Variants in SLC44A3 observed in about 807,000 individuals in gnomAD.
SLC44A3 encodes the protein solute carrier family 44 member 3, also known as choline transporter-like protein 3.
A neutral mutation model predicts 75.4 loss-of-function variants in SLC44A3; 74 were observed. That is an observed-to-expected ratio of 0.98 (90% CI 0.81 to 1.19). The LOEUF (loss-of-function observed/expected upper bound fraction) is 1.19, where lower values mean the gene tolerates loss of function less well. SLC44A3 is among the 50% of genes most tolerant of loss of function. The probability of loss-of-function intolerance (pLI) is 0.00; values close to 1 mark genes in which losing one functional copy is unlikely to be tolerated. For missense variants in SLC44A3, 700 were observed against 778.6 expected, an observed-to-expected ratio of 0.90 and a Z score of 1.20; for synonymous variants, 310 against 296.9, an observed-to-expected ratio of 1.04 and a Z score of -0.45.
intron 2 of SLC44A3, among the ~76,000 whole-genome samples, chr1:94,821,823 T>C (rs910038737): frequency 6.6e-6 from 1 of 152,240 alleles, no homozygotes; most frequent in African/African-American, 2.4e-5. Context: ...GTAATTACCT[T>C]TGTTGAAAAG....
chr1:94,878,664 T>C (rs1353974486), intron 12 of SLC44A3, among the ~76,000 whole-genome samples: 1 of 152,186 alleles, frequency 6.6e-6, no homozygotes, highest in East Asian at 1.9e-4. Context: ...AAAATATCTG[T>C]CACGCTACAA....
intron 8 of SLC44A3, among the ~76,000 whole-genome samples, chr1:94,844,073 A>G (rs911934390): frequency 6.6e-6 from 1 of 152,166 alleles, no homozygotes; most frequent in Non-Finnish European, 1.5e-5. Flanking sequence ...GACCATAAGA[A>G]TGGCCCTGCT....
rs34204401 is a variant in SLC44A3, at chr1:94,857,809, C to CT, written c.1238+331dup. Among the ~76,000 whole-genome samples the CT allele has an allele frequency of 3.5e-3, 224 of 63,954 alleles. 1 individual carries two copies. Among genetic ancestry groups the CT allele is most frequent in the African/African-American group, 6.6e-3 (123 of 18,564 alleles). The allele number at this position is 63,954 out of a possible 152,430, so 42.0% of individuals were successfully genotyped here. ...GGGGCTGCTCTGCCTATGGAGTAGCCTTTTTTTTTTTTTTTTTTTTTTGAG... is the reference window on the plus strand; with the variant it reads ...GGGGCTGCTCTGCCTATGGAGTAGCCTTTTTTTTTTTTTTTTTTTTTTTGAG... On this transcript the variant is annotated intron_variant, in intron 10 of 14. Coordinates refer to ENST00000271227, the MANE Select transcript of SLC44A3 (RefSeq NM_001114106.3).
At chr1:94,840,352 C>T (rs859119) in intron 7 of SLC44A3, among the ~76,000 whole-genome samples, 3,788 of 137,038 alleles carry the variant, frequency 0.028, 82 homozygotes, top group Non-Finnish European at 0.035. Context: ...TGCAATGGCG[C>T]GAACGCAGCT....
At chr1:94,888,893 C>CTATATA (rs34513886) in intron 12 of SLC44A3, among the ~76,000 whole-genome samples, 7,023 of 146,756 alleles carry the variant, frequency 0.048, 182 homozygotes, top group Middle Eastern at 0.078. Context: ...CCACGACTGG[C>CTATATA]TATATATATA....
chr1:94,836,192 G>T (rs1662757807), intron 5 of SLC44A3, among the ~76,000 whole-genome samples: 1 of 152,178 alleles, frequency 6.6e-6, no homozygotes, highest in Non-Finnish European at 1.5e-5. Flanking sequence ...GTTTTGAGCA[G>T]CTTTTTAGAT....
At chr1:94,837,983 T>A in intron 6 of SLC44A3, 112 bp downstream of exon 6, 1 of 982,560 alleles carries the variant, frequency 1.0e-6, no homozygotes, top group Non-Finnish European at 1.4e-6. Flanking sequence ...TAAAACTCTG[T>A]ATTTTTAATA....
chr1:94,871,700 CT>C (rs1239315974), intron 12 of SLC44A3, among the ~76,000 whole-genome samples: 2 of 152,208 alleles, frequency 1.3e-5, no homozygotes, highest in African/African-American at 4.8e-5. Context: ...CCAAACTGAT[CT>C]GAACATTCTA....
intron 8 of SLC44A3, 73 bp from the exon 9 acceptor site, chr1:94,845,205 G>A (rs945605509): frequency 7.7e-6 from 11 of 1,431,956 alleles, no homozygotes; most frequent in Non-Finnish European, 1.0e-5. Flanking sequence ...CATAATAATA[G>A]TAGGGCTTGC....
intron 14 of SLC44A3, 114 bp from the exon 15 acceptor site, chr1:94,894,703 TA>T: frequency 1.3e-6 from 1 of 778,294 alleles, no homozygotes; most frequent in Non-Finnish European, 2.1e-6. Context: ...CTGCCTTTTG[TA>T]AGTTAATTCT....
At chr1:94,835,348 T>C (rs1662645281) in intron 5 of SLC44A3, among the ~76,000 whole-genome samples, 2 of 152,206 alleles carry the variant, frequency 1.3e-5, no homozygotes, top group African/African-American at 4.8e-5. Flanking sequence ...TGTGCTATCC[T>C]GAATTAGATC....
At chr1:94,868,822 CT>C (rs1667450715) in intron 12 of SLC44A3, among the ~76,000 whole-genome samples, 2 of 152,388 alleles carry the variant, frequency 1.3e-5, no homozygotes, top group South Asian at 4.1e-4. Flanking sequence ...CTGTTATCCC[CT>C]CTCACTGTAC....
rs553421545 is a variant in SLC44A3, at chr1:94,834,845, G to A, written c.510-2866G>A. 2.3e-4 allele frequency among the ~76,000 whole-genome samples: 35 copies of A among 152,288 alleles called. 1 individual carries two copies. The highest frequency in any genetic ancestry group is 8.2e-4 in the African/African-American group (34 of 41,568). The stretch of plus-strand genomic sequence containing the variant: ...GGAATTTCCCTCCCTTTGAGAGTGG[G>A]CTAGGCTTAGTGACTCATTTCCAAG... On this transcript the variant is annotated intron_variant, in intron 5 of 14. Coordinates refer to ENST00000271227, the MANE Select transcript of SLC44A3 (RefSeq NM_001114106.3).
In SLC44A3 at chr1:94,867,371, A is replaced by C. The variant is rs1243167036; in HGVS notation, c.1436A>C (p.Tyr479Ser). 2 of 1,606,290 alleles carry C rather than the reference A, an allele frequency of 1.2e-6. No individual in the cohort carries two copies. Among genetic ancestry groups the C allele is most frequent in the Admixed American group, 1.7e-5 (1 of 59,510 alleles). The change falls in exon 12 of 15, where the codon TAC becomes TCC. Residue 479 changes from tyrosine to serine, a missense_variant. By Grantham distance (144) the Tyr-to-Ser change is moderately radical (BLOSUM62 -2). Transcript: ENST00000271227. ...TCCAGGTACCTGTTCCGATGCTGCT[A>C]CTGCTGTTTCTGGTGTCTTGACAAA... is the stretch of plus-strand genomic sequence containing the variant. Reference protein sequence around the residue: ...ALSRYLFRCCYCCFWCLDKYL... With the variant: ...ALSRYLFRCCSCCFWCLDKYL...
At chr1:94,857,165 G>A (rs1408280449) in intron 9 of SLC44A3, among the ~76,000 whole-genome samples, 170 bp from the exon 10 acceptor site, 1 of 152,248 alleles carries the variant, frequency 6.6e-6, no homozygotes, top group Admixed American at 6.5e-5. Flanking sequence ...GAAGTTAAAT[G>A]TGTGTTTTTG....
At chr1:94,836,283 A>G (rs1662768287) in intron 5 of SLC44A3, among the ~76,000 whole-genome samples, 1 of 152,236 alleles carries the variant, frequency 6.6e-6, no homozygotes, top group Admixed American at 6.5e-5. Flanking sequence ...CTGTGAAGGT[A>G]TCAGTGGCCT....
intron 8 of SLC44A3, among the ~76,000 whole-genome samples, chr1:94,844,881 G>A (rs1295550733): frequency 6.6e-6 from 1 of 152,188 alleles, no homozygotes; most frequent in African/African-American, 2.4e-5. Flanking sequence ...AGGCACAGAA[G>A]GTGGCTTTGA....
intron 12 of SLC44A3, among the ~76,000 whole-genome samples, chr1:94,872,172 G>A (rs1667828892): frequency 6.6e-6 from 1 of 152,060 alleles, no homozygotes; most frequent in Non-Finnish European, 1.5e-5. Context: ...CACGATCTCG[G>A]CTCACTACAC....
intron 12 of SLC44A3, among the ~76,000 whole-genome samples, chr1:94,881,186 G>C (rs1329492065): frequency 6.6e-6 from 1 of 152,186 alleles, no homozygotes; most frequent in Non-Finnish European, 1.5e-5. Flanking sequence ...TGGCCAGGCT[G>C]TCTGTCACCA....
Sources: allele counts gnomAD v4.1 joint callset (sites outside exome capture counted in the v4.1 genomes callset), GRCh38; gene constraint gnomAD v4.1.1; transcripts MANE v1.5; gene names NCBI Gene and HGNC (gene_info 2026-07-23, HGNC 2026-07-21).